CDK7: variants seen among roughly 807,000 people sequenced by gnomAD.
The protein encoded by CDK7 is cyclin dependent kinase 7, also known as cyclin-dependent kinase 7.
In CDK7, 25 loss-of-function variants were observed where a neutral mutation model predicts 49.1. That is an observed-to-expected ratio of 0.51 (90% confidence interval 0.37 to 0.71). The LOEUF (loss-of-function observed/expected upper bound fraction) is 0.71, where lower values mean the gene tolerates loss of function less well. Among genes scored for constraint, CDK7 ranks in the 30% least tolerant of loss-of-function variants. CDK7 has a pLI of 0.00. For missense variants in CDK7, 316 were observed against 411.7 expected (o/e 0.77, Z 2.01); for synonymous variants, 107 against 140.0 (o/e 0.76, Z 1.67).
chr5:69,256,695 AT>A (rs1330366916), intron 5 of CDK7, among the ~76,000 whole-genome samples: 1 of 152,104 alleles, frequency 6.6e-6, no homozygotes, highest in East Asian at 1.9e-4. Context: ...AAGATTATTG[AT>A]TAGTGGTATC....
chr5:69,235,088 G>C (rs751533026), intron 1 of CDK7, 47 bp downstream of exon 1: 1 of 1,534,788 alleles, frequency 6.5e-7, no homozygotes, highest in Non-Finnish European at 8.9e-7. Flanking sequence ...GGACAGCCCC[G>C]CGCCGCCTCC....
intron 3 of CDK7, 66 bp downstream of exon 3, chr5:69,252,517 TTTTTTTTA>T: frequency 1.1e-6 from 1 of 912,312 alleles, no homozygotes; most frequent in African/African-American, 1.7e-5. Context: ...TTTTTTTTTT[TTTTTTTTA>T]AAAAGACAGG....
chr5:69,256,285 A>G (rs1291628075), intron 5 of CDK7, among the ~76,000 whole-genome samples: 1 of 152,154 alleles, frequency 6.6e-6, no homozygotes, highest in East Asian at 1.9e-4. Flanking sequence ...TAAAAAATAA[A>G]GAAACTTATT....
At chr5:69,254,817 G>T in intron 4 of CDK7, 148 bp downstream of exon 4, 1 of 573,744 alleles carries the variant, frequency 1.7e-6, no homozygotes, top group Non-Finnish European at 3.2e-6. Flanking sequence ...CAGTTGTTTT[G>T]GTAGGCATTG....
chr5:69,237,117 A>G (rs73125214), intron 2 of CDK7, among the ~76,000 whole-genome samples: 17,043 of 151,650 alleles, frequency 0.11, 1,152 homozygotes, highest in South Asian at 0.19. Context: ...GGGCAGGAGG[A>G]GGTCTCACTC....
At chr5:69,235,282 G>T (rs1237815058) in intron 1 of CDK7, 112 bp from the exon 2 acceptor site, 5 of 877,374 alleles carry the variant, frequency 5.7e-6, no homozygotes, top group African/African-American at 5.1e-5. Flanking sequence ...GTTTCCAGCC[G>T]CCGCGAGTCT....
intron 2 of CDK7, chr5:69,250,814 T>C: frequency 2.2e-6 from 1 of 456,594 alleles, no homozygotes; most frequent in South Asian, 1.5e-5. Flanking sequence ...TGTCTCGGAG[T>C]TTCACCTGAG....
chr5:69,243,241 C>G (rs575350158), intron 2 of CDK7, among the ~76,000 whole-genome samples: 41 of 152,300 alleles, frequency 2.7e-4, no homozygotes, highest in African/African-American at 9.6e-4. Flanking sequence ...AAAGGAGTAT[C>G]TCTTTGACAG....
chr5:69,241,023 CT>C (rs573528707), intron 2 of CDK7, among the ~76,000 whole-genome samples: 3 of 152,274 alleles, frequency 2.0e-5, no homozygotes, highest in African/African-American at 7.2e-5. Context: ...CAAATCTTGG[CT>C]ATTCTGAATA....
rs963869014 is a variant in CDK7, at chr5:69,234,929, C to T, written c.-47C>T. On this transcript the variant is annotated 5_prime_UTR_variant, in exon 1 of 12. Coordinates refer to ENST00000256443, the MANE Select transcript of CDK7 (RefSeq NM_001799.4). ...TAAGGTAGCTTTAAATTCGTGTTGT[C>T]CTGGGAGCTCGCCCTTTTCGGCTGG... The T allele has an allele frequency of 5.2e-6, 8 of 1,549,396 alleles. No homozygotes were observed. Among genetic ancestry groups the T allele is most frequent in the Non-Finnish European group, 7.0e-6 (8 of 1,140,740 alleles).
chr5:69,269,277 C>T lies in CDK7; in HGVS notation c.698C>T (p.Thr233Ile), dbSNP rs767786810. The T allele has an allele frequency of 1.9e-6, 3 of 1,610,454 alleles. No homozygotes were observed. Among genetic ancestry groups the T allele is most frequent in the Non-Finnish European group, 2.5e-6 (3 of 1,178,462 alleles). ...TRIFETLGTP[T>I]EEQWPDMCSL... ...ATATTTGAAACTTTGGGCACACCAA[C>T]TGAGGAACAGTGGCCGGTAAGCCTT... is the stretch of plus-strand genomic sequence containing the variant. Residue 233 changes from threonine (T) to isoleucine (I), a missense_variant, in exon 9 of 12, where the codon ACT (threonine) becomes ATT (isoleucine). By Grantham distance (89) the Thr-to-Ile change is moderately conservative. Transcript: ENST00000256443.
At chr5:69,251,328 G>C (rs182582944) in intron 2 of CDK7, among the ~76,000 whole-genome samples, 1 of 152,174 alleles carries the variant, frequency 6.6e-6, no homozygotes, top group Admixed American at 6.5e-5. Context: ...TTGAACTCCT[G>C]ACCTCGTGAT....
rs561635062 is a variant in CDK7 at position 69,271,532 on chromosome 5, A to C, written c.715-1360A>C. Reference sequence around the variant, plus strand: ...TTTTTTCTTTTTTTTTTTTTTTTCAAGACAAGATCTGGCTTGTTGCCCAGG... The same window carrying C: ...TTTTTTCTTTTTTTTTTTTTTTTCACGACAAGATCTGGCTTGTTGCCCAGG... On this transcript the variant is annotated intron_variant, in intron 9 of 11. Coordinates refer to ENST00000256443, the MANE Select transcript of CDK7 (RefSeq NM_001799.4). Among the ~76,000 whole-genome samples the C allele has an allele frequency of 5.4e-5, 8 of 147,490 alleles. No individual in the cohort carries two copies. The South Asian group carries it at 1.7e-3, about 32-fold the overall frequency.
chr5:69,262,167 T>G (rs754751071), intron 7 of CDK7, 38 bp from the exon 8 acceptor site: 1 of 1,612,310 alleles, frequency 6.2e-7, no homozygotes. Flanking sequence ...CTTTGATAAT[T>G]TCATGCTAAA....
rs1750715724 is a variant in CDK7 at position 69,260,007 on chromosome 5, A to AT, written c.527+72dup. 5.3e-6 allele frequency: 5 copies of AT among 943,920 alleles called. 1 individual carries two copies. The South Asian group carries it at 6.8e-5, about 13-fold the overall frequency. 58.5% of individuals were successfully genotyped at this position (943,920 alleles called of 1,614,324 possible). A position where few individuals can be genotyped will look rare whatever the true frequency, so the allele number is the denominator to read the frequency against. On this transcript the variant is annotated intron_variant, in intron 7 of 11. Coordinates refer to ENST00000256443, the MANE Select transcript of CDK7 (RefSeq NM_001799.4). ...GAGCATCAACTGGCTTCTCTGAACT[A>AT]TCTTGGCAGAGTTAAGGAATCATTG...
At chr5:69,240,991 T>G (rs1158787451) in intron 2 of CDK7, among the ~76,000 whole-genome samples, 1 of 152,224 alleles carries the variant, frequency 6.6e-6, no homozygotes, top group Admixed American at 6.6e-5. Context: ...ATTCATTTGT[T>G]GACAGACGCA....
At chr5:69,272,696 G>T (rs1344166743) in intron 9 of CDK7, among the ~76,000 whole-genome samples, 196 bp from the exon 10 acceptor site, 1 of 151,696 alleles carries the variant, frequency 6.6e-6, no homozygotes, top group Non-Finnish European at 1.5e-5. Flanking sequence ...TATTGCTAGT[G>T]TACAAAATTA....
At chr5:69,258,378 T>A (rs1383333558) in intron 6 of CDK7, among the ~76,000 whole-genome samples, 1 of 26,522 alleles carries the variant, frequency 3.8e-5, no homozygotes, top group East Asian at 7.4e-4. Flanking sequence ...AGTCCCTCAT[T>A]TTTTTTTTTT....
chr5:69,234,903 T>C lies in CDK7; in HGVS notation c.-73T>C. ...TGGACGGAAGTGGGTGTTGGAGGCTTTAAGGTAGCTTTAAATTCGTGTTGT... is the reference window on the plus strand; with the variant it reads ...TGGACGGAAGTGGGTGTTGGAGGCTCTAAGGTAGCTTTAAATTCGTGTTGT... On this transcript the variant is annotated 5_prime_UTR_variant, in exon 1 of 12. Transcript: ENST00000256443. 1 of 1,456,896 alleles carries C rather than the reference T, an allele frequency of 6.9e-7. No individual in the cohort carries two copies. The highest frequency in any genetic ancestry group is 1.7e-4 in the Middle Eastern group (1 of 5,804). The allele number at this position is 1,456,896 out of a possible 1,614,324, so 90.2% of individuals were successfully genotyped here. A position where few individuals can be genotyped will look rare whatever the true frequency, so the allele number is the denominator to read the frequency against.
Sources: gnomAD v4.1 joint callset for allele counts (sites outside exome capture counted in the v4.1 genomes callset) on GRCh38, gnomAD v4.1.1 for gene constraint, MANE v1.5 for transcripts, NCBI Gene and HGNC (gene_info 2026-07-23, HGNC 2026-07-21) for gene names.